The following DLG1 variants were observed in gnomAD, a reference collection of about 807,000 sequenced individuals.
The protein encoded by DLG1 is discs large MAGUK scaffold protein 1.
A neutral mutation model predicts 123.4 loss-of-function variants in DLG1; 42 were observed. That is an observed-to-expected ratio of 0.34 (90% CI 0.27 to 0.44). The LOEUF (loss-of-function observed/expected upper bound fraction) is 0.44, where lower values mean the gene tolerates loss of function less well. DLG1 is among the 20% of genes least tolerant of loss of function. DLG1 has a pLI of 1.00. For missense variants in DLG1, 942 were observed against 1,082.6 expected (o/e 0.87, Z 1.82); for synonymous variants, 317 against 356.2 (o/e 0.89, Z 1.24).
intron 3 of DLG1, among the ~76,000 whole-genome samples, chr3:197,287,209 G>A (rs1243384384): frequency 6.6e-6 from 1 of 151,952 alleles, no homozygotes; most frequent in Non-Finnish European, 1.5e-5. Context: ...TGGGATATGG[G>A]AACTGTACTT....
At chr3:197,101,282 G>A (rs948267512) in intron 14 of DLG1, among the ~76,000 whole-genome samples, 1 of 152,158 alleles carries the variant, frequency 6.6e-6, no homozygotes, top group South Asian at 2.1e-4. Context: ...GGGGATAACG[G>A]TGCTTACTTA....
rs150383998 is a variant in DLG1 at position 197,143,543 on chromosome 3, A to G, written c.538-775T>C. ...AGTGCTGGGATTACAGGCGTGAGCC[A>G]CCGTGCCTGGCAACAGCTGGATCTT... On this transcript the variant is annotated intron_variant, in intron 6 of 24. Transcript: ENST00000667157. Among the ~76,000 whole-genome samples the G allele has an allele frequency of 9.7e-4, 147 of 152,296 alleles. 1 individual carries two copies. The East Asian group carries it at 0.021, about 22-fold the overall frequency.
chr3:197,264,573 C>T (rs765707222), intron 4 of DLG1, among the ~76,000 whole-genome samples: 27 of 152,040 alleles, frequency 1.8e-4, no homozygotes, highest in South Asian at 2.1e-4. Context: ...ATTACAGATG[C>T]CTGCCACCAC....
chr3:197,263,477 C>T (rs1318713435), intron 4 of DLG1, among the ~76,000 whole-genome samples: 1 of 152,118 alleles, frequency 6.6e-6, no homozygotes, highest in African/African-American at 2.4e-5. Flanking sequence ...TAAGGTCCAA[C>T]AGGACAAGAC....
intron 16 of DLG1, among the ~76,000 whole-genome samples, chr3:197,084,063 T>C (rs1366792212): frequency 1.3e-5 from 2 of 152,088 alleles, no homozygotes; most frequent in Non-Finnish European, 2.9e-5. Flanking sequence ...CCAATACATG[T>C]AATTTAAGCA....
At chr3:197,045,733 G>C (rs1042066383) in intron 24 of DLG1, among the ~76,000 whole-genome samples, 1 of 152,198 alleles carries the variant, frequency 6.6e-6, no homozygotes, top group Non-Finnish European at 1.5e-5. Flanking sequence ...CTGGGTGACA[G>C]AGTGGAACCT....
intron 15 of DLG1, among the ~76,000 whole-genome samples, chr3:197,087,393 C>G (rs1421217262): frequency 6.6e-6 from 1 of 151,096 alleles, no homozygotes; most frequent in Non-Finnish European, 1.5e-5. Context: ...CCACAAGACT[C>G]AGGTGTGGTG....
In DLG1 at chr3:197,234,250, TAC is replaced by T. The variant is rs1312410334; in HGVS notation, c.319-39663_319-39662del. 2.0e-5 allele frequency among the ~76,000 whole-genome samples: 3 copies of T among 152,350 alleles called. No homozygotes were observed. In the East Asian group the frequency reaches 5.8e-4, roughly 29 times the overall value. On this transcript the variant is annotated intron_variant, in intron 4 of 24. Coordinates refer to ENST00000667157, the MANE Select transcript of DLG1 (RefSeq NM_001366207.1). The stretch of plus-strand genomic sequence containing the variant: ...TAACGAGCTCCCTGTCCAGTTCTAA[TAC>T]ACAGACAGGCTTACAACCCCAGATG...
At chr3:197,226,745 A>G (rs563114866) in intron 4 of DLG1, among the ~76,000 whole-genome samples, 3 of 149,274 alleles carry the variant, frequency 2.0e-5, no homozygotes, top group Non-Finnish European at 3.0e-5. Context: ...ATTTTGATGT[A>G]TATCTATACC....
intron 4 of DLG1, among the ~76,000 whole-genome samples, chr3:197,221,292 T>G (rs1255417741): frequency 6.6e-6 from 1 of 151,814 alleles, no homozygotes; most frequent in African/African-American, 2.4e-5. Context: ...ACAAGGCGGG[T>G]GGATCACCTG....
intron 4 of DLG1, among the ~76,000 whole-genome samples, chr3:197,243,489 A>C (rs1750016102): frequency 6.6e-6 from 1 of 152,232 alleles, no homozygotes; most frequent in Non-Finnish European, 1.5e-5. Flanking sequence ...AAAGTTTGTT[A>C]AACTAGGGTG....
intron 14 of DLG1, among the ~76,000 whole-genome samples, chr3:197,095,205 T>C (rs1759978383): frequency 6.6e-6 from 1 of 152,222 alleles, no homozygotes; most frequent in Admixed American, 6.5e-5. Flanking sequence ...TCATCATCCC[T>C]GAATACTTCA....
intron 6 of DLG1, among the ~76,000 whole-genome samples, chr3:197,146,314 T>C (rs1790732186): frequency 6.6e-6 from 1 of 152,022 alleles, no homozygotes; most frequent in South Asian, 2.1e-4. Context: ...CTAAAATTCA[T>C]ATGGAACCAA....
At position 197,089,475 on chromosome 3, in the gene DLG1, T is replaced by C. The variant is rs545544900; in HGVS notation, c.1661+1437A>G. On this transcript the variant is annotated intron_variant, in intron 15 of 24. Transcript: ENST00000667157. ...CCGGGAGGTTGAGGCTACAGTGAGC[T>C]GAGATCGCGCCACTGCACTTCAGCC... is the stretch of plus-strand genomic sequence containing the variant. Among the ~76,000 whole-genome samples the C allele has an allele frequency of 2.0e-5, 3 of 150,066 alleles. No individual in the cohort carries two copies. In the South Asian group the frequency reaches 6.3e-4, roughly 32 times the overall value.
intron 23 of DLG1, among the ~76,000 whole-genome samples, chr3:197,057,543 A>G (rs1732608635): frequency 6.6e-6 from 1 of 152,160 alleles, no homozygotes; most frequent in South Asian, 2.1e-4. Flanking sequence ...CAGTTTACCA[A>G]TGAAGATGCA....
chr3:197,153,887 C>G (rs1795118315), intron 5 of DLG1, among the ~76,000 whole-genome samples: 1 of 151,994 alleles, frequency 6.6e-6, no homozygotes, highest in Non-Finnish European at 1.5e-5. Context: ...AAAGAAAACC[C>G]TGGAGAAGAA....
chr3:197,291,429 G>A (rs1335572216), intron 3 of DLG1, among the ~76,000 whole-genome samples: 2 of 151,930 alleles, frequency 1.3e-5, no homozygotes, highest in East Asian at 3.8e-4. Context: ...CACTATAGCT[G>A]GAAGATCTCA....
intron 5 of DLG1, among the ~76,000 whole-genome samples, chr3:197,189,353 CATCAT>C: frequency 2.6e-5 from 4 of 152,158 alleles, no homozygotes; most frequent in Admixed American, 2.6e-4. Context: ...AAACTTGATA[CATCAT>C]ATTACACAGG....
intron 4 of DLG1, among the ~76,000 whole-genome samples, chr3:197,222,181 TC>T (rs1187566031): frequency 1.3e-5 from 2 of 152,150 alleles, no homozygotes; most frequent in Non-Finnish European, 2.9e-5. Flanking sequence ...GGTTTCCAAC[TC>T]TCCCTTACTA....
Sources: gnomAD v4.1 joint callset for allele counts (sites outside exome capture counted in the v4.1 genomes callset) on GRCh38, gnomAD v4.1.1 for gene constraint, MANE v1.5 for transcripts, NCBI Gene and HGNC (gene_info 2026-07-23, HGNC 2026-07-21) for gene names.